Variants in SPNS3 observed in about 807,000 individuals in gnomAD.
SPNS3 encodes the protein SPNS lysolipid transporter 3, sphingosine-1-phosphate (putative).
SPNS3 carries 51 observed loss-of-function variants against 54.4 expected under a neutral mutation model. The observed-to-expected ratio is 0.94, with a 90% CI of 0.75 to 1.18. The LOEUF is 1.18. Among genes scored for constraint, SPNS3 ranks in the 50% most tolerant of loss-of-function variants. The pLI is 0.00. For missense variants in SPNS3, 669 were observed against 677.4 expected, an observed-to-expected ratio of 0.99 and a Z score of 0.14; for synonymous variants, 309 against 294.7, an observed-to-expected ratio of 1.05 and a Z score of -0.50.
At chr17:4,469,475 C>T (rs1023640187) in intron 8 of SPNS3, among the ~76,000 whole-genome samples, 6 of 151,888 alleles carry the variant, frequency 4.0e-5, no homozygotes, top group African/African-American at 9.7e-5. Context: ...AGAAATTAGC[C>T]GAGGGTGACG....
chr17:4,452,847 G>A (rs2144064642), intron 7 of SPNS3, among the ~76,000 whole-genome samples, 169 bp from the exon 8 acceptor site: 1 of 152,192 alleles, frequency 6.6e-6, no homozygotes, highest in Middle Eastern at 3.4e-3. Context: ...GTATCAGTGA[G>A]GAGGGTGGGT....
Position 4,453,131 on chromosome 17 carries a change from T to G in SPNS3, c.1039T>G (p.Ser347Ala). Reference protein sequence around the residue: ...IPGAEPLICASSLLATAPCLY... With the variant: ...IPGAEPLICAASLLATAPCLY... The stretch of plus-strand genomic sequence containing the variant: ...AGGAGCTGAGCCCCTCATCTGCGCC[T>G]CCAGCCTGCTTGCCACAGCCCCCTG... Residue 347 changes from serine to alanine, a missense_variant, in exon 8 of 12, where the codon TCC becomes GCC. Transcript: ENST00000355530. 6.2e-7 allele frequency: 1 copy of G among 1,614,038 alleles called. No individual in the cohort carries two copies. The highest frequency in any genetic ancestry group is 8.5e-7 in the Non-Finnish European group (1 of 1,179,988).
Position 4,453,067 on chromosome 17 carries a change from G to C in SPNS3, c.975G>C (p.Leu325Phe). The C allele has an allele frequency of 6.2e-7, 1 of 1,614,066 alleles. No individual in the cohort carries two copies. The highest frequency in any genetic ancestry group is 8.5e-7 in the Non-Finnish European group (1 of 1,179,972). ...TIMTGVIGVI[L>F]GAEAARRYKK... ...TGACCGGCGTCATTGGGGTCATCTT[G>C]GGGGCAGAAGCTGCGAGGAGGTACA... The change falls in exon 8 of 12, where the codon TTG becomes TTC. Residue 325 changes from leucine (L) to phenylalanine (F), a missense_variant. Physicochemically the swap from Leu to Phe is conservative, Grantham distance 22. Transcript: ENST00000355530.
rs1401602173 is a variant in SPNS3 at position 4,483,162 on chromosome 17, G to A, written c.1180-3066G>A. On this transcript the variant is annotated intron_variant, in intron 9 of 11. Coordinates refer to ENST00000355530, the MANE Select transcript of SPNS3 (RefSeq NM_182538.5). This position sits in a 1 kb window ranked among gnomAD's most constrained non-coding sequence, Gnocchi z 4.2. ...TCAGGGGCGTCTGGGGGCGAGGCCTGGGTGGGGGTGCAGGAGGCAGGCTGC... is the reference window on the plus strand; with the variant it reads ...TCAGGGGCGTCTGGGGGCGAGGCCTAGGTGGGGGTGCAGGAGGCAGGCTGC... Among the ~76,000 whole-genome samples the A allele has an allele frequency of 6.6e-6, 1 of 152,220 alleles. No individual in the cohort carries two copies. The highest frequency in any genetic ancestry group is 2.4e-5 in the African/African-American group (1 of 41,462).
chr17:4,480,117 C>T lies in SPNS3; in HGVS notation c.1179+1480C>T, dbSNP rs535617037. Among the ~76,000 whole-genome samples the T allele has an allele frequency of 6.6e-5, 10 of 152,332 alleles. No individual in the cohort carries two copies. The South Asian group carries it at 2.1e-3, about 32-fold the overall frequency. On this transcript the variant is annotated intron_variant, in intron 9 of 11. Coordinates refer to ENST00000355530, the MANE Select transcript of SPNS3 (RefSeq NM_182538.5). ...ATGTCTGCCCCTCCCCGGCAGATCCCCTGACCCCTCCCCACGGCCCAGGCC... is the reference window on the plus strand; with the variant it reads ...ATGTCTGCCCCTCCCCGGCAGATCCTCTGACCCCTCCCCACGGCCCAGGCC...
intron 7 of SPNS3, among the ~76,000 whole-genome samples, chr17:4,450,272 T>A (rs1971123101): frequency 6.6e-6 from 1 of 150,858 alleles, no homozygotes; most frequent in African/African-American, 2.4e-5. Context: ...TCCTCTTTTC[T>A]CTCTTCTCCT....
At chr17:4,453,479 A>T (rs762200628) in intron 8 of SPNS3, among the ~76,000 whole-genome samples, 1 of 152,184 alleles carries the variant, frequency 6.6e-6, no homozygotes, top group African/African-American at 2.4e-5. Context: ...TTAGCTGGGC[A>T]TGGTGGCAGG....
At chr17:4,480,680 G>A (rs1490799492) in intron 9 of SPNS3, among the ~76,000 whole-genome samples, 1 of 152,214 alleles carries the variant, frequency 6.6e-6, no homozygotes, top group East Asian at 1.9e-4. Flanking sequence ...GGTGGGGGAA[G>A]GGTGGAAGGA....
chr17:4,486,016 A>G lies in SPNS3; in HGVS notation c.1180-212A>G, dbSNP rs536985307. 8 of 473,838 alleles carry G rather than the reference A, an allele frequency of 1.7e-5. No individual in the cohort carries two copies. Among genetic ancestry groups the G allele is most frequent in the South Asian group, 4.3e-5 (1 of 23,492 alleles). 29.4% of individuals were successfully genotyped at this position (473,838 alleles called of 1,614,324 possible). On this transcript the variant is annotated intron_variant, in intron 9 of 11. Coordinates refer to ENST00000355530, the MANE Select transcript of SPNS3 (RefSeq NM_182538.5). This position sits in a 1 kb window ranked among gnomAD's most constrained non-coding sequence, Gnocchi z 5.5. ...GGTGGCCCTGATCAGGGGCCTTGGC[A>G]CCCCCATCCTGGGGCACTGGGGAAG...
chr17:4,439,341 G>A (rs1970790659), intron 1 of SPNS3, among the ~76,000 whole-genome samples: 1 of 152,136 alleles, frequency 6.6e-6, no homozygotes, highest in Admixed American at 6.6e-5. Flanking sequence ...ACCATGGCTG[G>A]TCTCAAGCTC....
chr17:4,441,983 A>AGTGTGTGTGTGTGTGTGTGTGTGTGT lies in SPNS3; in HGVS notation c.265+2269_265+2294dup, dbSNP rs373836833. On this transcript the variant is annotated intron_variant, in intron 2 of 11. Transcript: ENST00000355530. ...ACAAGTCCTGGGCCACGGAGGGAGA[A>AGTGTGTGTGTGTGTGTGTGTGTGTGT]GTGTGTGTGTGTGTGTGTGTGTGTG... is the stretch of plus-strand genomic sequence containing the variant. Among the ~76,000 whole-genome samples, 193 of 139,098 alleles carry AGTGTGTGTGTGTGTGTGTGTGTGTGT rather than the reference A, an allele frequency of 1.4e-3. 2 individuals are homozygous for AGTGTGTGTGTGTGTGTGTGTGTGTGT. Among genetic ancestry groups the AGTGTGTGTGTGTGTGTGTGTGTGTGT allele is most frequent in the Non-Finnish European group, 1.8e-3 (119 of 64,706 alleles). The allele number at this position is 139,098 out of a possible 152,430, so 91.3% of individuals were successfully genotyped here.
intron 8 of SPNS3, among the ~76,000 whole-genome samples, chr17:4,474,618 C>T (rs72821807): frequency 0.1 from 15,504 of 152,246 alleles, 1,151 homozygotes; most frequent in African/African-American, 0.2. Flanking sequence ...CTGACCTGTG[C>T]GTGCAGGTGG....
In SPNS3 at chr17:4,486,624, C is replaced by T. The variant is rs777663185; in HGVS notation, c.1450+41C>T. The T allele has an allele frequency of 3.4e-5, 54 of 1,571,928 alleles. No homozygotes were observed. The highest frequency in any genetic ancestry group is 3.3e-4 in the Admixed American group (18 of 53,732). On this transcript the variant is annotated intron_variant, in intron 11 of 11. Coordinates refer to ENST00000355530, the MANE Select transcript of SPNS3 (RefSeq NM_182538.5). The surrounding 1 kb of genome is among the most constrained non-coding windows in gnomAD (Gnocchi z 5.5). ...CACCAGGCCCGGCTCAGGGCCGGCACCCTAGGGACAGACAGCACTGGCCAC... is the reference window on the plus strand; with the variant it reads ...CACCAGGCCCGGCTCAGGGCCGGCATCCTAGGGACAGACAGCACTGGCCAC...
intron 8 of SPNS3, among the ~76,000 whole-genome samples, chr17:4,478,196 TC>T (rs1972059655): frequency 6.6e-6 from 1 of 151,934 alleles, no homozygotes. Context: ...GGTCTTGAAC[TC>T]CTGACCTCAA....
intron 8 of SPNS3, among the ~76,000 whole-genome samples, chr17:4,476,087 G>A (rs529072821): frequency 2.0e-5 from 3 of 152,204 alleles, no homozygotes; most frequent in Non-Finnish European, 4.4e-5. Flanking sequence ...ACCCCAGGAG[G>A]TCACACCCCT....
In SPNS3 at chr17:4,486,582, A is replaced by T. The variant is rs537577387; in HGVS notation, c.1449A>T (p.Thr483=). The part of the protein sequence containing the change: ...RDETRAWQPV[T]GTPDSNDVDS... ...AGACCCGGGCCTGGCAGCCTGTCACAGGTACCCTACCCATTGCACCAGGCC... is the reference window on the plus strand; with the variant it reads ...AGACCCGGGCCTGGCAGCCTGTCACTGGTACCCTACCCATTGCACCAGGCC... Residue 483 remains threonine, a splice_region_variant and synonymous_variant, in exon 11 of 12, where the codon ACA becomes ACT. Coordinates refer to ENST00000355530, the MANE Select transcript of SPNS3 (RefSeq NM_182538.5). This position sits in a 1 kb window ranked among gnomAD's most constrained non-coding sequence, Gnocchi z 5.5. 1.2e-6 allele frequency: 2 copies of T among 1,611,118 alleles called. No homozygotes were observed. Among genetic ancestry groups the T allele is most frequent in the South Asian group, 2.2e-5 (2 of 90,862 alleles).
At chr17:4,448,450 C>A in intron 6 of SPNS3, 147 bp downstream of exon 6, 2 of 737,946 alleles carry the variant, frequency 2.7e-6, no homozygotes, top group Non-Finnish European at 4.1e-6. Flanking sequence ...TCGCACTTAC[C>A]AACTGAAGTG....
chr17:4,452,154 T>A (rs1971184206), intron 7 of SPNS3, among the ~76,000 whole-genome samples: 2 of 152,110 alleles, frequency 1.3e-5, no homozygotes, highest in South Asian at 4.1e-4. Flanking sequence ...TGGAGTGCAG[T>A]GGTATGATCA....
Position 4,445,117 on chromosome 17 carries a change from T to C in SPNS3, c.351T>C (p.Gly117=), listed in dbSNP as rs149840371. The C allele has an allele frequency of 1.2e-3, 1,873 of 1,614,172 alleles. 3 individuals carry two copies. Among genetic ancestry groups the C allele is most frequent in the Middle Eastern group, 3.0e-3 (18 of 6,062 alleles). ...RHSRKATMSF[G]ILLWSGAGLS... ...GCCGCAAGGCTACCATGAGCTTCGGTATCTTGCTGTGGTCAGGAGCTGGCC... is the reference window on the plus strand; with the variant it reads ...GCCGCAAGGCTACCATGAGCTTCGGCATCTTGCTGTGGTCAGGAGCTGGCC... Residue 117 remains glycine (G), a synonymous_variant, in exon 3 of 12, where the codon GGT becomes GGC. Transcript: ENST00000355530.
Sources: allele counts gnomAD v4.1 joint callset (sites outside exome capture counted in the v4.1 genomes callset), GRCh38; gene constraint gnomAD v4.1.1; non-coding constraint Gnocchi (gnomAD v3.1); transcripts MANE v1.5; gene names NCBI Gene and HGNC (gene_info 2026-07-23, HGNC 2026-07-21).